Variants in SMG8 observed in about 807,000 individuals in gnomAD.
SMG8 encodes SMG8 nonsense mediated mRNA decay factor, also known as nonsense-mediated mRNA decay factor SMG8.
SMG8 carries 49 observed loss-of-function variants against 82.1 expected under a neutral mutation model. The observed-to-expected ratio is 0.60, with a 90% CI of 0.47 to 0.76. The LOEUF is 0.76. Ranked by LOEUF, SMG8 falls within the 30% of genes least tolerant of loss-of-function variation. SMG8 has a pLI of 0.00. For missense variants in SMG8, 969 were observed against 1,166.4 expected, an observed-to-expected ratio of 0.83 and a Z score of 2.46; for synonymous variants, 404 against 430.0, an observed-to-expected ratio of 0.94 and a Z score of 0.75.
rs779200486 is a variant in SMG8, at chr17:59,213,093, A to G, written c.2270A>G (p.Lys757Arg). 1.9e-6 allele frequency: 3 copies of G among 1,614,200 alleles called. No individual in the cohort carries two copies. The South Asian group carries it at 3.3e-5, about 18-fold the overall frequency. ...LPGMLHSNCP[K>R]GLLPKFSSWS... ...GGCATGCTACATTCAAATTGCCCTA[A>G]AGGTCTCCTACCCAAATTCTCCAGC... Residue 757 changes from lysine to arginine, a missense_variant, in exon 3 of 4, where the codon AAA becomes AGA. This residue lies in a region of SMG8 where 662 missense variants were observed against 884.8 expected (regional missense o/e 0.75). Coordinates refer to ENST00000300917, the MANE Select transcript of SMG8 (RefSeq NM_018149.7).
chr17:59,213,304 G>A lies in SMG8; in HGVS notation c.2481G>A (p.Lys827=). The A allele has an allele frequency of 1.9e-6, 3 of 1,614,200 alleles. No individual in the cohort carries two copies. Among genetic ancestry groups the A allele is most frequent in the Non-Finnish European group, 2.5e-6 (3 of 1,180,036 alleles). Residue 827 remains lysine (K), a synonymous_variant, in exon 3 of 4, where the codon AAG becomes AAA. Coordinates refer to ENST00000300917, the MANE Select transcript of SMG8 (RefSeq NM_018149.7). The part of the protein sequence containing the change: ...WPAPNKAIPG[K]RSAVVMGRGR... ...CTCCAAATAAAGCTATTCCTGGAAA[G>A]AGAAGTGCGGTTGTAATGGGAAGAG...
chr17:59,211,232 T>C lies in SMG8; in HGVS notation c.1181T>C (p.Ile394Thr). 1.2e-6 allele frequency: 2 copies of C among 1,614,224 alleles called. No homozygotes were observed. The highest frequency in any genetic ancestry group is 1.7e-6 in the Non-Finnish European group (2 of 1,180,038). Reference sequence around the variant, plus strand: ...AGCCGACAACAACTTTCCTTTCACATTGACAGCAGCAGTTCCAGTTCTTCA... The same window carrying C: ...AGCCGACAACAACTTTCCTTTCACACTGACAGCAGCAGTTCCAGTTCTTCA... ...QHSRQQLSFHIDSSSSSSSGQ... is the reference protein window; with the variant it reads ...QHSRQQLSFHTDSSSSSSSGQ... The change falls in exon 1 of 4, where the codon ATT (isoleucine) becomes ACT (threonine). Residue 394 changes from isoleucine to threonine, a missense_variant. Ile to Thr is a moderately conservative substitution (Grantham distance 89). Coordinates refer to ENST00000300917, the MANE Select transcript of SMG8 (RefSeq NM_018149.7).
Position 59,215,002 on chromosome 17 carries a change from AGT to A in SMG8, c.*3_*4del. 1 of 872,530 alleles carries A rather than the reference AGT, an allele frequency of 1.1e-6. No homozygotes were observed. Among genetic ancestry groups the A allele is most frequent in the Non-Finnish European group, 2.0e-6 (1 of 501,468 alleles). 54.0% of individuals were successfully genotyped at this position (872,530 alleles called of 1,614,324 possible). ...GGGTTCTTAAGGCAGTAACACAATAAGTGTTTTCCAGCCAGTTCAATCCTATA... is the reference window on the plus strand; with the variant it reads ...GGGTTCTTAAGGCAGTAACACAATAAGTTTTCCAGCCAGTTCAATCCTATA... On this transcript the variant is annotated 3_prime_UTR_variant, in exon 4 of 4. Coordinates refer to ENST00000300917, the MANE Select transcript of SMG8 (RefSeq NM_018149.7).
At chr17:59,212,530 T>C (rs763020848) in intron 2 of SMG8, 44 bp downstream of exon 2, 1 of 1,576,528 alleles carries the variant, frequency 6.3e-7, no homozygotes, top group South Asian at 1.2e-5. Flanking sequence ...TCTTTTTTTG[T>C]TAAATATCAT....
At position 59,210,889 on chromosome 17, in the gene SMG8, C is replaced by G. The variant is rs1221991999; in HGVS notation, c.838C>G (p.Pro280Ala). ...QLNGALKVEPPRNQDPAHPDK... is the reference protein window; with the variant it reads ...QLNGALKVEPARNQDPAHPDK... ...CAATGGAGCCCTCAAGGTAGAACCTCCTCGGAACCAAGACCCAGCTCATCC... is the reference window on the plus strand; with the variant it reads ...CAATGGAGCCCTCAAGGTAGAACCTGCTCGGAACCAAGACCCAGCTCATCC... Residue 280 changes from proline (P) to alanine (A), a missense_variant, in exon 1 of 4, where the codon CCT becomes GCT. By Grantham distance (27) the Pro-to-Ala change is conservative. Around this residue, in one of 3 missense-constraint regions of SMG8, gnomAD observed 662 missense variants for 884.8 expected, o/e 0.75. Coordinates refer to ENST00000300917, the MANE Select transcript of SMG8 (RefSeq NM_018149.7). 6.2e-7 allele frequency: 1 copy of G among 1,614,200 alleles called. No homozygotes were observed. The highest frequency in any genetic ancestry group is 1.1e-5 in the South Asian group (1 of 91,086).
Position 59,213,411 on chromosome 17 carries a change from G to A in SMG8, c.2588G>A (p.Gly863Glu), listed in dbSNP as rs2046954094. 2 of 1,613,972 alleles carry A rather than the reference G, an allele frequency of 1.2e-6. No individual in the cohort carries two copies. Among genetic ancestry groups the A allele is most frequent in the Non-Finnish European group, 1.7e-6 (2 of 1,180,022 alleles). The change falls in exon 3 of 4, where the codon GGG becomes GAG. Residue 863 changes from glycine to glutamate, a missense_variant. Gly to Glu is a moderately conservative substitution (Grantham distance 98). This residue lies in a region of SMG8 where 662 missense variants were observed against 884.8 expected (regional missense o/e 0.75). Coordinates refer to ENST00000300917, the MANE Select transcript of SMG8 (RefSeq NM_018149.7). ...DSRGRRFMCSGPDKVMKVMGS... is the reference protein window; with the variant it reads ...DSRGRRFMCSEPDKVMKVMGS... ...CGAGGTCGGAGATTCATGTGCTCTG[G>A]GCCTGACAAAGTAATGAAAGTAATG...
Position 59,212,984 on chromosome 17 carries a change from G to A in SMG8, c.2161G>A (p.Glu721Lys), listed in dbSNP as rs563666488. ...TCCACAAGCAGGAGGAGATAATCCA[G>A]AAGTTCATGGTCAAGTAGAAGTGAA... ...ADPQAGGDNP[E>K]VHGQVEVKTE... is the part of the protein sequence containing the mutation. Residue 721 changes from glutamate to lysine, a missense_variant, in exon 3 of 4, where the codon GAA (glutamate) becomes AAA (lysine). Glu to Lys is a moderately conservative substitution (Grantham distance 56). Around this residue, in one of 3 missense-constraint regions of SMG8, gnomAD observed 662 missense variants for 884.8 expected, o/e 0.75. Transcript: ENST00000300917. 1 of 1,614,194 alleles carries A rather than the reference G, an allele frequency of 6.2e-7. No individual in the cohort carries two copies. The highest frequency in any genetic ancestry group is 1.1e-5 in the South Asian group (1 of 91,088).
In SMG8 at chr17:59,211,082, A is replaced by T. The variant is rs2046943786; in HGVS notation, c.1031A>T (p.Glu344Val). Residue 344 changes from glutamate (E) to valine (V), a missense_variant, in exon 1 of 4, where the codon GAG (glutamate) becomes GTG (valine). Glu to Val is a moderately radical substitution (Grantham distance 121). Around this residue, in one of 3 missense-constraint regions of SMG8, gnomAD observed 662 missense variants for 884.8 expected, o/e 0.75. Transcript: ENST00000300917. ...AFVYIVPGSQ[E>V]EDPVGMLLDQ... ...GTGTACATAGTACCGGGAAGCCAGG[A>T]GGAGGACCCAGTAGGTATGTTGCTG... 1 of 1,614,090 alleles carries T rather than the reference A, an allele frequency of 6.2e-7. No individual in the cohort carries two copies. Among genetic ancestry groups the T allele is most frequent in the Non-Finnish European group, 8.5e-7 (1 of 1,180,054 alleles).
rs146340466 is a variant in SMG8 at position 59,213,141 on chromosome 17, C to T, written c.2318C>T (p.Pro773Leu). Residue 773 changes from proline to leucine, a missense_variant, in exon 3 of 4, where the codon CCT becomes CTT. Transcript: ENST00000300917. The stretch of plus-strand genomic sequence containing the variant: ...AGCTGGTCTTTGGTTAAACTAGGCC[C>T]TGCTAAGTCTTATAACTTTCATACA... ...FSSWSLVKLG[P>L]AKSYNFHTGL... The T allele has an allele frequency of 6.3e-4, 1,024 of 1,614,206 alleles. 4 individuals are homozygous for T. The African/African-American group carries it at 0.012, about 19-fold the overall frequency.
rs1344351826 is a variant in SMG8, at chr17:59,215,110, T to A, written c.*108T>A. 1.4e-6 allele frequency: 1 copy of A among 700,354 alleles called. No homozygotes were observed. The highest frequency in any genetic ancestry group is 1.8e-5 in the African/African-American group (1 of 56,942). 43.4% of individuals were successfully genotyped at this position (700,354 alleles called of 1,614,324 possible). On this transcript the variant is annotated 3_prime_UTR_variant, in exon 4 of 4. Coordinates refer to ENST00000300917, the MANE Select transcript of SMG8 (RefSeq NM_018149.7). Reference sequence around the variant, plus strand: ...TGTGTTTTCCCAAATCCAAAATGTGTTTTGGTTACAGGAGTTCAGTATTTG... The same window carrying A: ...TGTGTTTTCCCAAATCCAAAATGTGATTTGGTTACAGGAGTTCAGTATTTG...
chr17:59,212,406 G>T lies in SMG8; in HGVS notation c.1825G>T (p.Gly609Cys), dbSNP rs780601547. The change falls in exon 2 of 4, where the codon GGT becomes TGT. Residue 609 changes from glycine to cysteine, a missense_variant. Physicochemically the swap from Gly to Cys is radical, Grantham distance 159. Transcript: ENST00000300917. ...LYHNSRARSTGACNCGRKQAP... is the reference protein window; with the variant it reads ...LYHNSRARSTCACNCGRKQAP... ...TCACAATAGCCGAGCTCGATCTACTGGTGCTTGCAACTGTGGAAGGAAACA... is the reference window on the plus strand; with the variant it reads ...TCACAATAGCCGAGCTCGATCTACTTGTGCTTGCAACTGTGGAAGGAAACA... 1 of 1,608,874 alleles carries T rather than the reference G, an allele frequency of 6.2e-7. No homozygotes were observed. The highest frequency in any genetic ancestry group is 2.2e-5 in the East Asian group (1 of 44,784).
Position 59,215,043 on chromosome 17 carries a change from TTGTTTTTGGTATTTGTGGCTG to T in SMG8, c.*54_*74del, listed in dbSNP as rs749058883. 38 of 856,436 alleles carry T rather than the reference TTGTTTTTGGTATTTGTGGCTG, an allele frequency of 4.4e-5. 1 individual carries two copies. In the South Asian group the frequency reaches 5.1e-4, roughly 11 times the overall value. 53.1% of individuals were successfully genotyped at this position (856,436 alleles called of 1,614,324 possible). A position where few individuals can be genotyped will look rare whatever the true frequency, so the allele number is the denominator to read the frequency against. ...TTCAATCCTATACTTGAGCTGGTTTTTGTTTTTGGTATTTGTGGCTGTGTTTTTGGTATGTGTTTACTGTGT... is the reference window on the plus strand; with the variant it reads ...TTCAATCCTATACTTGAGCTGGTTTTTGTTTTTGGTATGTGTTTACTGTGT... On this transcript the variant is annotated 3_prime_UTR_variant, in exon 4 of 4. Coordinates refer to ENST00000300917, the MANE Select transcript of SMG8 (RefSeq NM_018149.7).
Position 59,210,388 on chromosome 17 carries a change from G to T in SMG8, c.337G>T (p.Gly113Trp). The change falls in exon 1 of 4, where the codon GGG becomes TGG. Residue 113 changes from glycine to tryptophan, a missense_variant. Gly to Trp is a radical substitution (Grantham distance 184). Around this residue, in one of 3 missense-constraint regions of SMG8, gnomAD observed 206 missense variants for 190.5 expected, o/e 1.08. Transcript: ENST00000300917. ...AGCCGAGGACCCTGGGGCTGCAGCC[G>T]GGGGTTCAGTTCGGGGAAGTGGAGC... is the stretch of plus-strand genomic sequence containing the variant. ...GGAEDPGAAA[G>W]GSVRGSGAVA... 1.2e-6 allele frequency: 2 copies of T among 1,610,264 alleles called. No homozygotes were observed. The highest frequency in any genetic ancestry group is 1.7e-6 in the Non-Finnish European group (2 of 1,178,456).
At position 59,213,386 on chromosome 17, in the gene SMG8, C is replaced by A. The variant is rs1489257526; in HGVS notation, c.2563C>A (p.Arg855=). The A allele has an allele frequency of 6.2e-7, 1 of 1,614,070 alleles. No individual in the cohort carries two copies. The highest frequency in any genetic ancestry group is 1.7e-5 in the Admixed American group (1 of 59,982). ...AFVGFEYEDS[R]GRRFMCSGPD... The stretch of plus-strand genomic sequence containing the variant: ...TGTGGGCTTTGAATATGAAGACTCT[C>A]GAGGTCGGAGATTCATGTGCTCTGG... The change falls in exon 3 of 4, where the codon CGA becomes AGA. Residue 855 remains arginine, a synonymous_variant. Coordinates refer to ENST00000300917, the MANE Select transcript of SMG8 (RefSeq NM_018149.7).
rs1190402707 is a variant in SMG8, at chr17:59,210,567, G to A, written c.516G>A (p.Gly172=). ...LLRACRALQS[G]EAGGGLSLPH... ...GGGCTTGTCGGGCTCTTCAGAGCGG[G>A]GAAGCTGGAGGTGGACTCTCTTTAC... Residue 172 remains glycine, a synonymous_variant, in exon 1 of 4, where the codon GGG becomes GGA. Coordinates refer to ENST00000300917, the MANE Select transcript of SMG8 (RefSeq NM_018149.7). 3.2e-6 allele frequency: 5 copies of A among 1,576,038 alleles called. No homozygotes were observed. The South Asian group carries it at 6.0e-5, about 19-fold the overall frequency.
rs1192959075 is a variant in SMG8 at position 59,214,814 on chromosome 17, G to C, written c.2788G>C (p.Gly930Arg). 1 of 872,844 alleles carries C rather than the reference G, an allele frequency of 1.1e-6. No individual in the cohort carries two copies. The highest frequency in any genetic ancestry group is 2.0e-6 in the Non-Finnish European group (1 of 501,656). 54.1% of individuals were successfully genotyped at this position (872,844 alleles called of 1,614,324 possible). The stretch of plus-strand genomic sequence containing the variant: ...TACCTGTGTTTTTCAGGTTCAGCCA[G>C]GCCCACCACCATGTCCGGTATTCTA... ...QIILMPQVQP[G>R]PPPCPVFYPE... is the part of the protein sequence containing the mutation. The change falls in exon 4 of 4, where the codon GGC becomes CGC. Residue 930 changes from glycine to arginine, a missense_variant. By Grantham distance (125) the Gly-to-Arg change is moderately radical. Coordinates refer to ENST00000300917, the MANE Select transcript of SMG8 (RefSeq NM_018149.7).
chr17:59,213,462 T>A lies in SMG8; in HGVS notation c.2639T>A (p.Leu880Ter). 6.2e-7 allele frequency: 1 copy of A among 1,614,176 alleles called. No homozygotes were observed. The highest frequency in any genetic ancestry group is 8.5e-7 in the Non-Finnish European group (1 of 1,180,030). The change falls in exon 3 of 4, where the codon TTA becomes TAA. Residue 880 changes from leucine to a stop codon, truncating the protein, a stop_gained. Transcript: ENST00000300917. LOFTEE classifies it high-confidence loss of function. Reference sequence around the variant, plus strand: ...GGAAGTGGGCCAAAGGAATCAGCTTTAAAAGCCCTAAATAGTGACATGCCC... The same window carrying A: ...GGAAGTGGGCCAAAGGAATCAGCTTAAAAAGCCCTAAATAGTGACATGCCC... ...VMGSGPKESA[L>*]KALNSDMPLY... is the part of the protein sequence containing the mutation.
In SMG8 at chr17:59,210,908, C is replaced by A. The variant is rs199713610; in HGVS notation, c.857C>A (p.Ala286Asp). The part of the protein sequence containing the change: ...KVEPPRNQDP[A>D]HPDKPKKHSP... ...GAACCTCCTCGGAACCAAGACCCAG[C>A]TCATCCAGACAAGCCCAAGAAACAT... Residue 286 changes from alanine to aspartate, a missense_variant, in exon 1 of 4, where the codon GCT becomes GAT. Ala to Asp is a moderately radical substitution (Grantham distance 126). This residue lies in a region of SMG8 where 662 missense variants were observed against 884.8 expected (regional missense o/e 0.75). Coordinates refer to ENST00000300917, the MANE Select transcript of SMG8 (RefSeq NM_018149.7). 8 of 1,614,210 alleles carry A rather than the reference C, an allele frequency of 5.0e-6. No individual in the cohort carries two copies. In the East Asian group the frequency reaches 1.8e-4, roughly 36 times the overall value.
At position 59,213,402 on chromosome 17, in the gene SMG8, T is replaced by C. The variant is rs371331222; in HGVS notation, c.2579T>C (p.Met860Thr). ...EYEDSRGRRFMCSGPDKVMKV... is the reference protein window; with the variant it reads ...EYEDSRGRRFTCSGPDKVMKV... ...GAAGACTCTCGAGGTCGGAGATTCA[T>C]GTGCTCTGGGCCTGACAAAGTAATG... is the stretch of plus-strand genomic sequence containing the variant. The change falls in exon 3 of 4, where the codon ATG becomes ACG. Residue 860 changes from methionine (M) to threonine (T), a missense_variant. Around this residue, in one of 3 missense-constraint regions of SMG8, gnomAD observed 662 missense variants for 884.8 expected, o/e 0.75. Coordinates refer to ENST00000300917, the MANE Select transcript of SMG8 (RefSeq NM_018149.7). 1.5e-5 allele frequency: 24 copies of C among 1,614,050 alleles called. No individual in the cohort carries two copies. The highest frequency in any genetic ancestry group is 6.7e-5 in the Admixed American group (4 of 59,970).
Sources: gnomAD v4.1 joint callset for allele counts on GRCh38, gnomAD v4.1.1 for gene constraint, gnomAD v4.1.1 regional missense constraint, MANE v1.5 for transcripts, NCBI Gene and HGNC (gene_info 2026-07-23, HGNC 2026-07-21) for gene names.